MXD3: variants seen among roughly 807,000 people sequenced by gnomAD.
MXD3 encodes the protein Max-associated protein 3.
A neutral mutation model predicts 27.5 loss-of-function variants in MXD3; 20 were observed. That is an observed-to-expected ratio of 0.73 (90% CI 0.51 to 1.06). The LOEUF is 1.06. MXD3 is among the 50% of genes least tolerant of loss of function. The probability of loss-of-function intolerance (pLI) is 0.00; values close to 1 mark genes in which losing one functional copy is unlikely to be tolerated. For missense variants in MXD3, 298 were observed against 291.3 expected (o/e 1.02, Z -0.17); for synonymous variants, 150 against 130.7 (o/e 1.15, Z -1.01).
chr5:177,307,302 TC>T lies in MXD3; in HGVS notation c.*285del. The T allele has an allele frequency of 6.5e-7, 1 of 1,548,734 alleles. No homozygotes were observed. The highest frequency in any genetic ancestry group is 8.7e-7 in the Non-Finnish European group (1 of 1,144,876). On this transcript the variant is annotated 3_prime_UTR_variant, in exon 6 of 6. Transcript: ENST00000439742. Reference sequence around the variant, plus strand: ...AGGAAGGGAAGAGGCCCAAGAGGCTTCCTGTCCCCTTGGGGGCAGCAGAGCC... The same window carrying T: ...AGGAAGGGAAGAGGCCCAAGAGGCTTCTGTCCCCTTGGGGGCAGCAGAGCC...
chr5:177,310,524 G>T lies in MXD3; in HGVS notation c.223C>A (p.Arg75=). 1 of 1,611,174 alleles carries T rather than the reference G, an allele frequency of 6.2e-7. No individual in the cohort carries two copies. ...LEKRRRAQLK[R]CLERLKQQMP... ...TGCTGCTTCAGCCGCTCCAGGCACC[G>T]CTTCAACTGGGCCCTCCTGTGGGGA... Residue 75 remains arginine (R), a synonymous_variant, in exon 4 of 6, where the codon CGG becomes AGG. Transcript: ENST00000439742.
intron 4 of MXD3, 96 bp downstream of exon 4, chr5:177,310,330 G>A: frequency 1.1e-6 from 1 of 897,728 alleles, no homozygotes; most frequent in Non-Finnish European, 1.7e-6. Flanking sequence ...CTTGAGCTCT[G>A]ACCTCAGGTC....
At chr5:177,305,782 C>T (rs762297299), downstream of MXD3, 164 of 1,051,388 alleles carry the variant, frequency 1.6e-4, no homozygotes, top group South Asian at 8.0e-4. Context: ...TGTATTGCTT[C>T]GCCTCATGAA....
intron 4 of MXD3, among the ~76,000 whole-genome samples, chr5:177,308,989 C>A (rs1226847916): frequency 6.6e-6 from 1 of 152,170 alleles, no homozygotes; most frequent in African/African-American, 2.4e-5. Flanking sequence ...AGAACTGGGC[C>A]ATGGAGGCGT....
chr5:177,306,357 G>A (rs1043149664), downstream of MXD3: 1 of 1,609,282 alleles, frequency 6.2e-7, no homozygotes. Flanking sequence ...TGGTGTCATG[G>A]GGGAGGGAAA....
chr5:177,309,507 TG>T (rs1198615065), intron 4 of MXD3, among the ~76,000 whole-genome samples: 1 of 151,838 alleles, frequency 6.6e-6, no homozygotes, highest in Non-Finnish European at 1.5e-5. Context: ...CCAACCAGAG[TG>T]TTACTCAGCC....
rs1184501714 is a variant in MXD3 at position 177,311,894 on chromosome 5, T to C, written c.-64A>G. 14 of 1,558,622 alleles carry C rather than the reference T, an allele frequency of 9.0e-6. No individual in the cohort carries two copies. The highest frequency in any genetic ancestry group is 2.4e-5 in the East Asian group (1 of 42,474). The stretch of plus-strand genomic sequence containing the variant: ...GCCGGAGCAAGCGGCTGCAGCACTT[T>C]TGTTACAAAGTAACTGACACGGTGC... On this transcript the variant is annotated 5_prime_UTR_variant, in exon 1 of 6. Coordinates refer to ENST00000439742, the MANE Select transcript of MXD3 (RefSeq NM_031300.4).
At chr5:177,308,367 TTTTG>T (rs1489737733) in intron 4 of MXD3, among the ~76,000 whole-genome samples, 1 of 151,810 alleles carries the variant, frequency 6.6e-6, no homozygotes, top group African/African-American at 2.4e-5. Flanking sequence ...TCCCCGTTTC[TTTTG>T]TTTTTTGTTT....
intron 4 of MXD3, among the ~76,000 whole-genome samples, chr5:177,310,214 G>C (rs2127302426): frequency 6.6e-6 from 1 of 152,316 alleles, no homozygotes; most frequent in Admixed American, 6.5e-5. Context: ...TTTATAGAGT[G>C]AACTCATTTA....
chr5:177,312,265 C>A (rs2009266477), upstream of MXD3: 1 of 985,922 alleles, frequency 1.0e-6, no homozygotes. Flanking sequence ...AAGCGCCGGG[C>A]CCAGCCGCTG....
At chr5:177,306,566 T>C, downstream of MXD3, 4 of 1,608,826 alleles carry the variant, frequency 2.5e-6, no homozygotes, top group Non-Finnish European at 3.4e-6. Context: ...CAACAGTTTG[T>C]GTAGCCAGTC....
chr5:177,308,343 G>A (rs1441985462), intron 4 of MXD3, among the ~76,000 whole-genome samples: 1 of 152,136 alleles, frequency 6.6e-6, no homozygotes, highest in African/African-American at 2.4e-5. Flanking sequence ...AAACAGGCCC[G>A]GTGTTACCAG....
downstream of MXD3, chr5:177,306,097 G>A: frequency 1.9e-6 from 3 of 1,611,612 alleles, no homozygotes; most frequent in Non-Finnish European, 2.5e-6. Context: ...TCTCATGCCA[G>A]GAATTTGGTC....
Position 177,310,415 on chromosome 5 carries a change from G to A in MXD3, c.321+11C>T. The A allele has an allele frequency of 6.2e-7, 1 of 1,605,516 alleles. No individual in the cohort carries two copies. Among genetic ancestry groups the A allele is most frequent in the Non-Finnish European group, 8.5e-7 (1 of 1,175,728 alleles). On this transcript the variant is annotated intron_variant, in intron 4 of 5. Coordinates refer to ENST00000439742, the MANE Select transcript of MXD3 (RefSeq NM_031300.4). ...AGGGCAAGCCAGTCCGGGCGCAGTG[G>A]GGGGCCTCACCTGGATGTGCATCCT... is the stretch of plus-strand genomic sequence containing the variant.
chr5:177,307,985 AGG>A (rs1360104093), intron 4 of MXD3, 21 bp from the exon 5 acceptor site: 12 of 1,516,786 alleles, frequency 7.9e-6, no homozygotes, highest in Non-Finnish European at 1.1e-5. Context: ...CAAAGGAGCA[AGG>A]GGCTGGGGTC....
chr5:177,309,564 C>T (rs952049368), intron 4 of MXD3, among the ~76,000 whole-genome samples: 8 of 152,214 alleles, frequency 5.3e-5, no homozygotes, highest in East Asian at 3.8e-4. Flanking sequence ...CAGCTGTTCC[C>T]GCAGCTGTGG....
Position 177,307,223 on chromosome 5 carries a change from T to A in MXD3, c.*365A>T. The A allele has an allele frequency of 6.4e-7, 1 of 1,551,680 alleles. No individual in the cohort carries two copies. Among genetic ancestry groups the A allele is most frequent in the Non-Finnish European group, 8.7e-7 (1 of 1,146,964 alleles). On this transcript the variant is annotated 3_prime_UTR_variant, in exon 6 of 6. Transcript: ENST00000439742. ...ATGGACGGGAAGTTATGAAAGAGGC[T>A]TTTAATGAAAATACTGTACAGTTTA... is the stretch of plus-strand genomic sequence containing the variant.
In MXD3 at chr5:177,307,943, G is replaced by T; in HGVS notation, c.343C>A (p.Arg115=). The T allele has an allele frequency of 1.9e-6, 3 of 1,571,160 alleles. No homozygotes were observed. Among genetic ancestry groups the T allele is most frequent in the Non-Finnish European group, 1.7e-6 (2 of 1,158,240 alleles). ...AGCCTCTCCTTGAGCTGTCGGGCCCGCTGCTCCTGATCCTCCAGCTTCTGC... is the reference window on the plus strand; with the variant it reads ...AGCCTCTCCTTGAGCTGTCGGGCCCTCTGCTCCTGATCCTCCAGCTTCTGC... ...HIQKLEDQEQ[R]ARQLKERLRS... Residue 115 remains arginine, a synonymous_variant, in exon 5 of 6, where the codon CGG becomes AGG. Transcript: ENST00000439742.
upstream of MXD3, chr5:177,311,991 C>T: frequency 7.7e-7 from 1 of 1,294,624 alleles, no homozygotes; most frequent in Non-Finnish European, 9.9e-7. Flanking sequence ...GGCTCCGCCC[C>T]TCTGGAACCC....
Sources: allele counts gnomAD v4.1 joint callset (sites outside exome capture counted in the v4.1 genomes callset), GRCh38; gene constraint gnomAD v4.1.1; transcripts MANE v1.5; gene names NCBI Gene and HGNC (gene_info 2026-07-23, HGNC 2026-07-21).